SFXN5: variants seen among roughly 807,000 people sequenced by gnomAD.
The protein encoded by SFXN5 is sideroflexin-5.
In SFXN5, 43 loss-of-function variants were observed where a neutral mutation model predicts 50.2. That is an observed-to-expected ratio of 0.86 (90% confidence interval 0.67 to 1.11). SFXN5 has a LOEUF of 1.11. SFXN5 is among the 50% of genes least tolerant of loss of function. The pLI is 0.00. For missense variants in SFXN5, 463 were observed against 454.1 expected (o/e 1.02, Z -0.18); for synonymous variants, 203 against 185.8 (o/e 1.09, Z -0.75).
chr2:72,992,689 T>C lies in SFXN5; in HGVS notation c.535-4341A>G, dbSNP rs901838061. On this transcript the variant is annotated intron_variant, in intron 9 of 13. Transcript: ENST00000272433. This position sits in a 1 kb window ranked among gnomAD's most constrained non-coding sequence, Gnocchi z 4.5. ...GAATGCAGCTGTTTGCTCTCCCTGC[T>C]CCCAACACTCAGCACGCAGCCTCTG... Among the ~76,000 whole-genome samples, 1 of 152,144 alleles carries C rather than the reference T, an allele frequency of 6.6e-6. No individual in the cohort carries two copies. Among genetic ancestry groups the C allele is most frequent in the Admixed American group, 6.5e-5 (1 of 15,276 alleles).
At chr2:73,069,265 T>C (rs1179230414) in intron 1 of SFXN5, among the ~76,000 whole-genome samples, 2 of 152,084 alleles carry the variant, frequency 1.3e-5, no homozygotes, top group Admixed American at 6.6e-5. Context: ...GGAGACCTGT[T>C]GTGAGGCTAC....
At chr2:73,037,368 C>T (rs1361886625) in intron 3 of SFXN5, among the ~76,000 whole-genome samples, 2 of 152,290 alleles carry the variant, frequency 1.3e-5, no homozygotes, top group Middle Eastern at 3.4e-3. Flanking sequence ...GCCCTACCCT[C>T]GCTTCTGGCC....
At chr2:72,988,206 C>T (rs897918970) in intron 10 of SFXN5, 52 bp downstream of exon 10, 20 of 1,517,486 alleles carry the variant, frequency 1.3e-5, no homozygotes, top group Admixed American at 3.6e-5. Flanking sequence ...GGGAGCCCAG[C>T]GGTCCCCCAC....
intron 10 of SFXN5, among the ~76,000 whole-genome samples, chr2:72,977,803 C>T (rs1242108798): frequency 1.3e-5 from 2 of 151,936 alleles, no homozygotes; most frequent in Non-Finnish European, 2.9e-5. Context: ...GGAGAAACCC[C>T]ATCTCTACTA....
At chr2:73,017,295 G>C (rs1162133176) in intron 6 of SFXN5, among the ~76,000 whole-genome samples, 1 of 152,138 alleles carries the variant, frequency 6.6e-6, no homozygotes, top group East Asian at 1.9e-4. Context: ...GAACTTTTAT[G>C]AGTGTATCTT....
At chr2:72,965,193 C>T (rs923563476) in intron 12 of SFXN5, among the ~76,000 whole-genome samples, 5 of 152,258 alleles carry the variant, frequency 3.3e-5, no homozygotes, top group Admixed American at 2.0e-4. Flanking sequence ...GAGGGGAGCA[C>T]GCTGGCGGAA....
Position 72,953,179 on chromosome 2 carries a change from C to T in SFXN5, c.945+7952G>A, listed in dbSNP as rs1181947125. On this transcript the variant is annotated intron_variant, in intron 13 of 13. Coordinates refer to ENST00000272433, the MANE Select transcript of SFXN5 (RefSeq NM_144579.3). The surrounding 1 kb of genome is among the most constrained non-coding windows in gnomAD (Gnocchi z 4.1). ...GACAGGTGGCGTTGGCGTTCCTGGGCTCTGAGCGGCTTTGCCATTCCCATC... is the reference window on the plus strand; with the variant it reads ...GACAGGTGGCGTTGGCGTTCCTGGGTTCTGAGCGGCTTTGCCATTCCCATC... Among the ~76,000 whole-genome samples the T allele has an allele frequency of 6.6e-6, 1 of 152,144 alleles. No homozygotes were observed. Among genetic ancestry groups the T allele is most frequent in the Admixed American group, 6.5e-5 (1 of 15,280 alleles).
rs532488397 is a variant in SFXN5 at position 72,968,223 on chromosome 2, C to T, written c.827+225G>A. On this transcript the variant is annotated intron_variant, in intron 12 of 13. Transcript: ENST00000272433. Reference sequence around the variant, plus strand: ...ACTGTTATCCTGGTATCCCTCGTGGCACCTAGCCCAGGGTCCTGCATAGTA... The same window carrying T: ...ACTGTTATCCTGGTATCCCTCGTGGTACCTAGCCCAGGGTCCTGCATAGTA... Among the ~76,000 whole-genome samples, 10 of 152,024 alleles carry T rather than the reference C, an allele frequency of 6.6e-5. No individual in the cohort carries two copies. In the South Asian group the frequency reaches 2.1e-3, roughly 32 times the overall value.
chr2:73,045,372 C>A (rs1354588469), intron 2 of SFXN5, among the ~76,000 whole-genome samples: 1 of 152,164 alleles, frequency 6.6e-6, no homozygotes, highest in Non-Finnish European at 1.5e-5. Flanking sequence ...CAGTGCACCC[C>A]AAGTAAAAAA....
At chr2:72,972,702 AGTGGGGGGT>A (rs569018279) in intron 10 of SFXN5, among the ~76,000 whole-genome samples, 159 of 152,128 alleles carry the variant, frequency 1.0e-3, no homozygotes, top group African/African-American at 3.4e-3. Context: ...GCAGGTGGGG[AGTGGGGGGT>A]GACAAATGCA....
intron 10 of SFXN5, among the ~76,000 whole-genome samples, chr2:72,986,170 C>G (rs1247279594): frequency 6.6e-6 from 1 of 152,228 alleles, no homozygotes; most frequent in African/African-American, 2.4e-5. Context: ...ACAGAAATAG[C>G]TGAAAGTTCA....
intron 3 of SFXN5, among the ~76,000 whole-genome samples, chr2:73,037,093 G>A (rs919363790): frequency 5.3e-5 from 8 of 152,252 alleles, no homozygotes; most frequent in African/African-American, 1.4e-4. Context: ...TAGCACATTC[G>A]CCCATTCCCT....
intron 1 of SFXN5, among the ~76,000 whole-genome samples, chr2:73,067,162 G>A (rs934993632): frequency 2.6e-5 from 4 of 152,184 alleles, no homozygotes; most frequent in African/African-American, 9.7e-5. Flanking sequence ...TCACCTCTGT[G>A]ATATTCTTAC....
At chr2:72,975,256 A>G (rs1023829197) in intron 10 of SFXN5, among the ~76,000 whole-genome samples, 3 of 152,206 alleles carry the variant, frequency 2.0e-5, no homozygotes, top group Admixed American at 2.0e-4. Context: ...CCGGTGTAAA[A>G]GGGGCAGTGT....
At chr2:73,052,566 C>A (rs140517080) in intron 2 of SFXN5, among the ~76,000 whole-genome samples, 1 of 143,058 alleles carries the variant, frequency 7.0e-6, no homozygotes, top group Non-Finnish European at 1.5e-5. Flanking sequence ...GATTGTGACA[C>A]GAGTTCTAGT....
rs556423366 is a variant in SFXN5, at chr2:73,038,121, A to G, written c.249+2733T>C. On this transcript the variant is annotated intron_variant, in intron 3 of 13. Transcript: ENST00000272433. The stretch of plus-strand genomic sequence containing the variant: ...GCATAGAGCATCCTTACACAAACCT[A>G]GATGGGCAAGCCTGCAACACACCTA... 7.7e-4 allele frequency among the ~76,000 whole-genome samples: 117 copies of G among 152,350 alleles called. No homozygotes were observed. In the South Asian group the frequency reaches 0.024, roughly 31 times the overall value.
intron 4 of SFXN5, 127 bp from the exon 5 acceptor site, chr2:73,022,703 C>A: frequency 2.9e-6 from 2 of 689,144 alleles, no homozygotes; most frequent in South Asian, 1.7e-5. Flanking sequence ...GACAACTTCT[C>A]TGGGAAGATT....
chr2:72,988,223 C>T (rs749420723), intron 10 of SFXN5, 35 bp downstream of exon 10: 3 of 1,591,272 alleles, frequency 1.9e-6, no homozygotes, highest in African/African-American at 2.7e-5. Context: ...CCACACCCAC[C>T]CACAGCACAC....
intron 1 of SFXN5, among the ~76,000 whole-genome samples, chr2:73,069,949 G>A (rs1361828253): frequency 6.6e-6 from 1 of 152,214 alleles, no homozygotes; most frequent in Non-Finnish European, 1.5e-5. Context: ...GGCCTACAGG[G>A]GGTTTGAGGA....
Sources: allele counts gnomAD v4.1 joint callset (sites outside exome capture counted in the v4.1 genomes callset), GRCh38; gene constraint gnomAD v4.1.1; non-coding constraint Gnocchi (gnomAD v3.1); transcripts MANE v1.5; gene names NCBI Gene and HGNC (gene_info 2026-07-23, HGNC 2026-07-21).